Variants in ABCA12 observed in about 807,000 individuals in gnomAD.
The protein encoded by ABCA12 is glucosylceramide transporter ABCA12.
A neutral mutation model predicts 293.5 loss-of-function variants in ABCA12; 156 were observed. That is an observed-to-expected ratio of 0.53 (90% CI 0.47 to 0.61). The LOEUF is 0.61. Ranked by LOEUF, ABCA12 falls within the 20% of genes least tolerant of loss-of-function variation. The pLI is 0.00. For synonymous variants in ABCA12, 1,063 were observed against 1,108.0 expected (o/e 0.96, Z 0.81); for missense variants, 2,797 against 3,090.2 (o/e 0.91, Z 2.25).
chr2:215,045,399 A>T (rs765470330), intron 7 of ABCA12, among the ~76,000 whole-genome samples: 3 of 152,212 alleles, frequency 2.0e-5, no homozygotes, highest in Admixed American at 6.5e-5. Context: ...GGTGGCTTGG[A>T]ACAAAACTCT....
chr2:215,075,168 A>G (rs1012629520), intron 2 of ABCA12, among the ~76,000 whole-genome samples: 1 of 152,072 alleles, frequency 6.6e-6, no homozygotes, highest in Non-Finnish European at 1.5e-5. Context: ...GGAGGTGTTT[A>G]CCACTTGCAG....
intron 9 of ABCA12, among the ~76,000 whole-genome samples, chr2:215,028,086 T>C (rs1364283623): frequency 2.6e-5 from 4 of 152,222 alleles, no homozygotes; most frequent in African/African-American, 9.6e-5. Flanking sequence ...AAAGATAGAA[T>C]AAATGTCAAT....
chr2:215,021,440 T>C (rs1346233630), intron 11 of ABCA12, among the ~76,000 whole-genome samples: 1 of 152,214 alleles, frequency 6.6e-6, no homozygotes, highest in Non-Finnish European at 1.5e-5. Context: ...GTCAATGATA[T>C]TCCTCTCACT....
intron 2 of ABCA12, among the ~76,000 whole-genome samples, chr2:215,073,136 T>C (rs1310797095): frequency 6.6e-6 from 1 of 152,020 alleles, no homozygotes; most frequent in East Asian, 1.9e-4. Flanking sequence ...GAATGTTGAG[T>C]TCTACGGCTC....
Position 214,964,875 on chromosome 2 carries a change from T to A in ABCA12, c.5884+1973A>T, listed in dbSNP as rs950091192. Among the ~76,000 whole-genome samples, 10 of 151,820 alleles carry A rather than the reference T, an allele frequency of 6.6e-5. 1 individual carries two copies. The East Asian group carries it at 7.8e-4, about 12-fold the overall frequency. Reference sequence around the variant, plus strand: ...CATTCTTCACAGAATTAGAAAAAAATTTTAAAATTCATACAGAACCAAAAA... The same window carrying A: ...CATTCTTCACAGAATTAGAAAAAAAATTTAAAATTCATACAGAACCAAAAA... On this transcript the variant is annotated intron_variant, in intron 39 of 52. Transcript: ENST00000272895.
rs539263127 is a variant in ABCA12 at position 215,114,931 on chromosome 2, C to T, written c.70-3241G>A. 4.6e-5 allele frequency among the ~76,000 whole-genome samples: 7 copies of T among 152,080 alleles called. No homozygotes were observed. In the East Asian group the frequency reaches 9.7e-4, roughly 21 times the overall value. On this transcript the variant is annotated intron_variant, in intron 1 of 52. Transcript: ENST00000272895. ...GGCAACTTCATGAGAATTCAGTGAC[C>T]GAGATCAACGATAACAACATATCCA...
intron 2 of ABCA12, among the ~76,000 whole-genome samples, chr2:215,069,891 G>GA (rs1378847456): frequency 7.2e-5 from 11 of 152,102 alleles, no homozygotes; most frequent in Admixed American, 6.5e-4. Flanking sequence ...TTAAAAGAAA[G>GA]AAAAAACCTT....
intron 2 of ABCA12, among the ~76,000 whole-genome samples, chr2:215,074,397 T>C (rs1440530133): frequency 6.6e-6 from 1 of 152,162 alleles, no homozygotes; most frequent in East Asian, 1.9e-4. Context: ...TCTCAGACAT[T>C]GCCTGAAGAA....
intron 51 of ABCA12, 128 bp downstream of exon 51, chr2:214,937,382 A>G: frequency 3.1e-6 from 2 of 639,852 alleles, no homozygotes; most frequent in Non-Finnish European, 5.5e-6. Context: ...TATTTTTTGT[A>G]GAGACGGGGT....
intron 2 of ABCA12, among the ~76,000 whole-genome samples, chr2:215,069,145 A>G (rs73074448): frequency 0.016 from 2,361 of 152,218 alleles, 80 homozygotes; most frequent in African/African-American, 0.054. Flanking sequence ...TCTTTACCCC[A>G]GTGAAGAATA....
chr2:214,991,110 A>T, intron 23 of ABCA12, 79 bp from the exon 24 acceptor site: 2 of 1,259,428 alleles, frequency 1.6e-6, no homozygotes, highest in African/African-American at 1.5e-5. Flanking sequence ...TTATGTCAAA[A>T]TGTCATGATA....
At chr2:214,998,611 C>G (rs1017527623) in intron 22 of ABCA12, among the ~76,000 whole-genome samples, 1 of 152,214 alleles carries the variant, frequency 6.6e-6, no homozygotes, top group Non-Finnish European at 1.5e-5. Context: ...ATGTATTCCT[C>G]AATGTCCTGC....
At chr2:215,068,869 G>C (rs1047766675) in intron 2 of ABCA12, among the ~76,000 whole-genome samples, 1 of 152,094 alleles carries the variant, frequency 6.6e-6, no homozygotes, top group Non-Finnish European at 1.5e-5. Context: ...GGAGCACATT[G>C]CTCACTGGCA....
intron 33 of ABCA12, 139 bp from the exon 34 acceptor site, chr2:214,976,176 G>T: frequency 8.2e-7 from 1 of 1,225,440 alleles, no homozygotes; most frequent in Non-Finnish European, 1.2e-6. Context: ...GTTCAGCAAT[G>T]TTATTTCTCA....
chr2:215,107,245 C>T (rs545997736), intron 2 of ABCA12, among the ~76,000 whole-genome samples: 1 of 152,236 alleles, frequency 6.6e-6, no homozygotes, highest in African/African-American at 2.4e-5. Flanking sequence ...TAAAGGGAGA[C>T]AAAATAAGCT....
chr2:214,973,856 T>G (rs1408926979), intron 36 of ABCA12, 93 bp downstream of exon 36: 25 of 1,098,922 alleles, frequency 2.3e-5, no homozygotes, highest in Non-Finnish European at 3.5e-5. Flanking sequence ...AATGAACTTA[T>G]ACTGATTCTT....
intron 28 of ABCA12, 42 bp from the exon 29 acceptor site, chr2:214,983,907 T>C (rs1158304504): frequency 6.4e-7 from 1 of 1,562,642 alleles, no homozygotes; most frequent in South Asian, 1.1e-5. Context: ...AGCCAAGCAT[T>C]GAAGCTAGAT....
intron 45 of ABCA12, among the ~76,000 whole-genome samples, 172 bp from the exon 46 acceptor site, chr2:214,949,321 A>C (rs1262226724): frequency 6.6e-6 from 1 of 151,648 alleles, no homozygotes; most frequent in Non-Finnish European, 1.5e-5. Flanking sequence ...TTTAAAACAA[A>C]TGGATACCAT....
intron 19 of ABCA12, chr2:215,004,754 C>T (rs1014367132): frequency 5.9e-6 from 1 of 169,764 alleles, no homozygotes; most frequent in African/African-American, 2.4e-5. Flanking sequence ...TACTTCCTAG[C>T]CTGAAGCTTT....
Sources: allele counts gnomAD v4.1 joint callset (sites outside exome capture counted in the v4.1 genomes callset), GRCh38; gene constraint gnomAD v4.1.1; transcripts MANE v1.5; gene names NCBI Gene and HGNC (gene_info 2026-07-23, HGNC 2026-07-21).